Variants in RASGRF2 observed in about 807,000 individuals in gnomAD.
The protein encoded by RASGRF2 is ras-specific guanine nucleotide-releasing factor 2.
In RASGRF2, 76 loss-of-function variants were observed where a neutral mutation model predicts 151.0. That is an observed-to-expected ratio of 0.50 (90% CI 0.42 to 0.61). The LOEUF is 0.61. RASGRF2 is among the 20% of genes least tolerant of loss of function. The pLI, the probability that RASGRF2 is intolerant of heterozygous loss-of-function variation, is 0.00. For synonymous variants in RASGRF2, 504 were observed against 566.5 expected, an observed-to-expected ratio of 0.89 and a Z score of 1.57; for missense variants, 1,148 against 1,564.6, an observed-to-expected ratio of 0.73 and a Z score of 4.49.
intron 1 of RASGRF2, among the ~76,000 whole-genome samples, chr5:80,992,748 C>T (rs1012736336): frequency 4.6e-5 from 7 of 152,128 alleles, no homozygotes; most frequent in Non-Finnish European, 7.4e-5. Flanking sequence ...GGATTTGATA[C>T]AGCCCACAAA....
chr5:81,119,059 G>C (rs1753234701), intron 15 of RASGRF2, among the ~76,000 whole-genome samples: 1 of 152,054 alleles, frequency 6.6e-6, no homozygotes, highest in South Asian at 2.1e-4. Context: ...CTTCTTCTGA[G>C]CGCTGACTAT....
At chr5:80,976,144 AAG>A (rs1561534428) in intron 1 of RASGRF2, among the ~76,000 whole-genome samples, 2 of 152,184 alleles carry the variant, frequency 1.3e-5, no homozygotes, top group African/African-American at 4.8e-5. Context: ...CGCCCGGCTA[AAG>A]CAATCATCTT....
intron 3 of RASGRF2, 60 bp downstream of exon 3, chr5:81,068,239 A>G: frequency 1.3e-6 from 2 of 1,563,380 alleles, no homozygotes; most frequent in Non-Finnish European, 1.7e-6. Flanking sequence ...TTTCCTCATG[A>G]TTACTTAAGG....
At chr5:81,070,407 C>T in intron 3 of RASGRF2, 85 bp from the exon 4 acceptor site, 1 of 1,132,254 alleles carries the variant, frequency 8.8e-7, no homozygotes, top group Non-Finnish European at 1.3e-6. Flanking sequence ...TCTCATTGGA[C>T]CACCTTTGTA....
intron 4 of RASGRF2, 103 bp from the exon 5 acceptor site, chr5:81,073,096 A>G (rs544792964): frequency 1.5e-6 from 2 of 1,368,400 alleles, no homozygotes; most frequent in East Asian, 4.7e-5. Context: ...AGAGGTTATC[A>G]TGTTTTCTGC....
intron 9 of RASGRF2, among the ~76,000 whole-genome samples, chr5:81,092,417 TATC>T (rs1294119879): frequency 1.6e-4 from 24 of 152,316 alleles, no homozygotes; most frequent in Non-Finnish European, 2.5e-4. Flanking sequence ...TGCTTTTTGT[TATC>T]ATATTATTCT....
intron 1 of RASGRF2, chr5:80,998,086 C>T (rs916832910): frequency 6.6e-6 from 1 of 152,080 alleles, no homozygotes; most frequent in Admixed American, 6.6e-5. Context: ...GGAACTGGTG[C>T]CAAAGGAGGG....
chr5:81,050,233 G>A (rs1187202783), intron 2 of RASGRF2, among the ~76,000 whole-genome samples: 7 of 152,092 alleles, frequency 4.6e-5, no homozygotes, highest in Non-Finnish European at 1.0e-4. Context: ...CTTCCAGGTC[G>A]GCTTCCTTCC....
chr5:81,042,813 GTGTTATTATGC>G lies in RASGRF2; in HGVS notation c.289-59_289-49del. ...TATGTACCCTTTGTAGGCAGATACT[GTGTTATTATGC>G]TGTTGTGCTTGAAAAATAGAACTAA... On this transcript the variant is annotated intron_variant, in intron 1 of 26. Coordinates refer to ENST00000265080, the MANE Select transcript of RASGRF2 (RefSeq NM_006909.3). The G allele has an allele frequency of 2.6e-6, 3 of 1,133,960 alleles. No individual in the cohort carries two copies. In the South Asian group the frequency reaches 4.0e-5, roughly 15 times the overall value. The allele number at this position is 1,133,960 out of a possible 1,614,324, so 70.2% of individuals were successfully genotyped here.
chr5:81,017,986 G>A (rs1341497716), intron 1 of RASGRF2, among the ~76,000 whole-genome samples: 1 of 152,102 alleles, frequency 6.6e-6, no homozygotes, highest in Non-Finnish European at 1.5e-5. Flanking sequence ...ACGGGCACCT[G>A]TAATCCCAGC....
intron 17 of RASGRF2, among the ~76,000 whole-genome samples, chr5:81,166,315 T>C (rs930948758): frequency 1.1e-4 from 16 of 152,008 alleles, no homozygotes; most frequent in African/African-American, 3.4e-4. Flanking sequence ...GACTCCCAAG[T>C]AGCTGGAATT....
intron 17 of RASGRF2, among the ~76,000 whole-genome samples, chr5:81,157,355 A>T (rs1357736516): frequency 8.5e-6 from 1 of 117,502 alleles, no homozygotes; most frequent in Non-Finnish European, 1.8e-5. Context: ...GAGTCTGTCT[A>T]AAAAAAAAAA....
At chr5:81,091,819 C>T (rs1752396622) in intron 9 of RASGRF2, among the ~76,000 whole-genome samples, 5 of 151,994 alleles carry the variant, frequency 3.3e-5, no homozygotes, top group Admixed American at 3.3e-4. Context: ...TTAGTGATGA[C>T]TGTTGTTAAT....
rs528018922 is a variant in RASGRF2 at position 81,218,284 on chromosome 5, T to C, written c.3552+811T>C. Among the ~76,000 whole-genome samples the C allele has an allele frequency of 4.6e-5, 7 of 152,334 alleles. No individual in the cohort carries two copies. The East Asian group carries it at 1.3e-3, about 29-fold the overall frequency. On this transcript the variant is annotated intron_variant, in intron 25 of 26. Transcript: ENST00000265080. The stretch of plus-strand genomic sequence containing the variant: ...TGAAATCCTTACTTAAACCAATGTC[T>C]AGAAGGGTTTTTCCAATGTTATCTT...
intron 18 of RASGRF2, among the ~76,000 whole-genome samples, chr5:81,196,249 C>T (rs750998584): frequency 2.6e-5 from 4 of 152,176 alleles, no homozygotes; most frequent in Non-Finnish European, 4.4e-5. Context: ...GAGTGAAACT[C>T]TGTCTCAAAA....
chr5:81,013,278 A>G (rs551799822), intron 1 of RASGRF2, among the ~76,000 whole-genome samples: 1 of 152,318 alleles, frequency 6.6e-6, no homozygotes, highest in South Asian at 2.1e-4. Context: ...TTCAGGGTCC[A>G]GCCAAAGATT....
Position 81,198,581 on chromosome 5 carries a change from A to G in RASGRF2, c.2794-2749A>G, listed in dbSNP as rs559311126. On this transcript the variant is annotated intron_variant, in intron 18 of 26. Coordinates refer to ENST00000265080, the MANE Select transcript of RASGRF2 (RefSeq NM_006909.3). ...CAGCCTCCAGAGTAGCTGGGATTAC[A>G]GGTGACTGCCACCATACCCAGCAAA... Among the ~76,000 whole-genome samples the G allele has an allele frequency of 9.8e-5, 15 of 152,292 alleles. 1 individual carries two copies. In the East Asian group the frequency reaches 2.5e-3, roughly 26 times the overall value.
At chr5:81,218,044 C>T (rs1188491164) in intron 25 of RASGRF2, among the ~76,000 whole-genome samples, 1 of 152,024 alleles carries the variant, frequency 6.6e-6, no homozygotes, top group African/African-American at 2.4e-5. Context: ...ACCTGGCGAC[C>T]AGCTAATTTT....
chr5:81,193,038 T>G (rs904820642), intron 18 of RASGRF2, among the ~76,000 whole-genome samples: 2 of 152,234 alleles, frequency 1.3e-5, no homozygotes, highest in African/African-American at 4.8e-5. Context: ...TTTAATCCAC[T>G]CTGCAGTATT....
Sources: gnomAD v4.1 joint callset for allele counts (sites outside exome capture counted in the v4.1 genomes callset) on GRCh38, gnomAD v4.1.1 for gene constraint, MANE v1.5 for transcripts, NCBI Gene and HGNC (gene_info 2026-07-23, HGNC 2026-07-21) for gene names.